The following PDE1C variants were observed in gnomAD, a reference collection of about 807,000 sequenced individuals.
The protein encoded by PDE1C is phosphodiesterase 1C.
PDE1C carries 62 observed loss-of-function variants against 93.1 expected under a neutral mutation model. The ratio of observed to expected loss-of-function variants is 0.67; its 90% CI spans 0.54 to 0.82. The LOEUF (loss-of-function observed/expected upper bound fraction) is 0.82, where lower values mean the gene tolerates loss of function less well. Among genes scored for constraint, PDE1C ranks in the 40% least tolerant of loss-of-function variants. The pLI, the probability that PDE1C is intolerant of heterozygous loss-of-function variation, is 0.00. For missense variants in PDE1C, 742 were observed against 884.6 expected (o/e 0.84, Z 2.04); for synonymous variants, 325 against 310.1 (o/e 1.05, Z -0.50).
chr7:32,229,854 A>G (rs1489556528), intron 1 of PDE1C, among the ~76,000 whole-genome samples: 2 of 152,230 alleles, frequency 1.3e-5, no homozygotes, highest in Admixed American at 1.3e-4. Context: ...GCTAACAAGA[A>G]TCTAACAAGA....
At chr7:32,158,361 T>C (rs1032303713) in intron 3 of PDE1C, among the ~76,000 whole-genome samples, 12 of 152,124 alleles carry the variant, frequency 7.9e-5, no homozygotes, top group Admixed American at 7.9e-4. Flanking sequence ...AATGCTCCCA[T>C]AACTGAGCTG....
At position 32,425,080 on chromosome 7, in the gene PDE1C, T is replaced by A. The variant is rs146963846; in HGVS notation, c.310+2742A>T. On this transcript the variant is annotated intron_variant, in intron 1 of 1. Transcript: ENST00000672256. ...TAAAATAGCATCCAGCAATACTGTT[T>A]ATGTATATATACCTATACACACAGA... is the stretch of plus-strand genomic sequence containing the variant. Among the ~76,000 whole-genome samples the A allele has an allele frequency of 6.6e-3, 1,007 of 152,130 alleles. 8 individuals are homozygous for A. Among genetic ancestry groups the A allele is most frequent in the Middle Eastern group, 0.031 (9 of 292 alleles).
chr7:31,639,532 GTT>G, the PDE1C span, among the ~76,000 whole-genome samples: 68 of 45,552 alleles, frequency 1.5e-3, no homozygotes, highest in Middle Eastern at 0.018. Context: ...TTGTTTGTTT[GTT>G]TTTGTTTTTT....
the PDE1C span, among the ~76,000 whole-genome samples, chr7:31,640,447 A>T: frequency 6.6e-6 from 1 of 152,178 alleles, no homozygotes; most frequent in Non-Finnish European, 1.5e-5. Flanking sequence ...TAGCTGGCTC[A>T]GTCTTTTTGG....
chr7:31,879,503 C>T (rs1029046456), intron 3 of PDE1C, among the ~76,000 whole-genome samples: 2 of 152,076 alleles, frequency 1.3e-5, no homozygotes, highest in East Asian at 1.9e-4. Context: ...TCACAGGGAG[C>T]CTTGTATTAT....
At chr7:32,418,710 G>T (rs1785326257) in intron 1 of PDE1C, among the ~76,000 whole-genome samples, 3 of 152,086 alleles carry the variant, frequency 2.0e-5, no homozygotes. Flanking sequence ...TGAGTTATTA[G>T]GGTGTCAAAA....
intron 2 of PDE1C, among the ~76,000 whole-genome samples, chr7:32,003,388 A>C: frequency 6.6e-6 from 1 of 152,238 alleles, no homozygotes; most frequent in East Asian, 1.9e-4. Context: ...GAGTGCATTA[A>C]TCACAAACCT....
chr7:32,051,531 G>C, intron 2 of PDE1C, 23 bp downstream of exon 2: 1 of 1,612,108 alleles, frequency 6.2e-7, no homozygotes, highest in Non-Finnish European at 8.5e-7. Flanking sequence ...TCAACCAGTT[G>C]CAGCTCAGAA....
rs557113103 is a variant in PDE1C at position 31,971,113 on chromosome 7, G to A, written c.128+80441C>T. Among the ~76,000 whole-genome samples the A allele has an allele frequency of 1.2e-4, 19 of 152,228 alleles. 1 individual carries two copies. In the East Asian group the frequency reaches 3.5e-3, roughly 28 times the overall value. On this transcript the variant is annotated intron_variant, in intron 2 of 17. Transcript: ENST00000396191. ...GCCAAGATCGCGCTACTGCACTCCA[G>A]CCCTGGGCAACAAGAGCAAAACTCT...
At chr7:32,071,128 G>A (rs1796017746), upstream of PDE1C, 1 of 985,540 alleles carries the variant, frequency 1.0e-6, no homozygotes, top group South Asian at 4.7e-5. Flanking sequence ...TCCGACCCCG[G>A]CCGGGCACAC....
At chr7:31,676,955 G>A in the PDE1C span, among the ~76,000 whole-genome samples, 1 of 152,110 alleles carries the variant, frequency 6.6e-6, no homozygotes, top group East Asian at 1.9e-4. Flanking sequence ...ATTCCATCCA[G>A]TAACCACACT....
intron 3 of PDE1C, among the ~76,000 whole-genome samples, chr7:32,088,676 T>C (rs1014033977): frequency 6.6e-6 from 1 of 152,192 alleles, no homozygotes. Context: ...AATCCCTCTA[T>C]GCACAAGCGG....
At chr7:31,771,279 G>A (rs1487536830) in intron 17 of PDE1C, among the ~76,000 whole-genome samples, 2 of 152,148 alleles carry the variant, frequency 1.3e-5, no homozygotes, top group Non-Finnish European at 2.9e-5. Flanking sequence ...CCTGCTTCTT[G>A]ACTTTGCCTT....
intron 2 of PDE1C, among the ~76,000 whole-genome samples, chr7:31,925,260 T>G (rs372001423): frequency 6.6e-6 from 1 of 152,088 alleles, no homozygotes; most frequent in Admixed American, 6.6e-5. Flanking sequence ...TTATTATTAG[T>G]TCCTTTCCTT....
At chr7:31,914,872 G>A (rs1201849867) in intron 2 of PDE1C, among the ~76,000 whole-genome samples, 1 of 152,038 alleles carries the variant, frequency 6.6e-6, no homozygotes, top group African/African-American at 2.4e-5. Flanking sequence ...GCAATGACAG[G>A]GTATGCTCAG....
intron 2 of PDE1C, among the ~76,000 whole-genome samples, chr7:31,934,150 C>A (rs1381941470): frequency 6.6e-6 from 1 of 152,074 alleles, no homozygotes; most frequent in Non-Finnish European, 1.5e-5. Context: ...ATCCTTGTAC[C>A]TTCTGGTGGC....
chr7:31,850,697 A>G lies in PDE1C; in HGVS notation c.795T>C (p.Ala265=), dbSNP rs746168852. 3.7e-6 allele frequency: 6 copies of G among 1,613,464 alleles called. No homozygotes were observed. The African/African-American group carries it at 8.0e-5, about 22-fold the overall frequency. The change falls in exon 8 of 18, where the codon GCT becomes GCC. Residue 265 remains alanine (A), a synonymous_variant. Coordinates refer to ENST00000396191, the MANE Select transcript of PDE1C (RefSeq NM_001191057.4). The stretch of plus-strand genomic sequence containing the variant: ...CGGTATGCTCGTAGTCATGGATGGC[A>G]GCTGAGAAGATTATAGCAAAGATCT... The part of the protein sequence containing the change: ...ELEIFAIIFS[A]AIHDYEHTGT...
At chr7:32,165,170 A>G (rs1802155358) in intron 3 of PDE1C, among the ~76,000 whole-genome samples, 1 of 152,208 alleles carries the variant, frequency 6.6e-6, no homozygotes, top group African/African-American at 2.4e-5. Flanking sequence ...CCCATGTTTG[A>G]TCCTATTTAA....
chr7:32,118,137 G>A (rs1393842169), intron 3 of PDE1C, among the ~76,000 whole-genome samples: 1 of 152,172 alleles, frequency 6.6e-6, no homozygotes, highest in Non-Finnish European at 1.5e-5. Flanking sequence ...AGAGAGTGGA[G>A]GGTTACATGG....
Sources: gnomAD v4.1 joint callset for allele counts (sites outside exome capture counted in the v4.1 genomes callset) on GRCh38, gnomAD v4.1.1 for gene constraint, MANE v1.5 for transcripts, NCBI Gene and HGNC (gene_info 2026-07-23, HGNC 2026-07-21) for gene names.